DIAPH3: variants seen among roughly 807,000 people sequenced by gnomAD.
DIAPH3 encodes the protein protein diaphanous homolog 3.
A neutral mutation model predicts 144.3 loss-of-function variants in DIAPH3; 117 were observed. The ratio of observed to expected loss-of-function variants is 0.81; its 90% CI spans 0.70 to 0.95. DIAPH3 has a LOEUF of 0.95. Among genes scored for constraint, DIAPH3 ranks in the 40% least tolerant of loss-of-function variants. The pLI, the probability that DIAPH3 is intolerant of heterozygous loss-of-function variation, is 0.00. For missense variants in DIAPH3, 1,421 were observed against 1,412.7 expected, an observed-to-expected ratio of 1.01 and a Z score of -0.09; for synonymous variants, 519 against 488.9, an observed-to-expected ratio of 1.06 and a Z score of -0.81.
At chr13:59,674,434 G>A (rs1365523608) in intron 27 of DIAPH3, among the ~76,000 whole-genome samples, 2 of 152,132 alleles carry the variant, frequency 1.3e-5, no homozygotes, top group African/African-American at 4.8e-5. Flanking sequence ...GCCCTTGACT[G>A]TGCTTACTCT....
chr13:59,689,770 G>GA (rs1016443335), intron 27 of DIAPH3, among the ~76,000 whole-genome samples: 1 of 143,888 alleles, frequency 6.9e-6, no homozygotes, highest in Non-Finnish European at 1.5e-5. Context: ...GGCAGATTAA[G>GA]AAAAAAAACT....
intron 4 of DIAPH3, among the ~76,000 whole-genome samples, chr13:60,071,475 T>C (rs139672523): frequency 4.8e-4 from 73 of 152,348 alleles, no homozygotes; most frequent in African/African-American, 1.7e-3. Context: ...AAAGGTTTCC[T>C]GCACTAAACA....
chr13:59,857,495 G>A (rs2043324066), intron 22 of DIAPH3, among the ~76,000 whole-genome samples: 1 of 152,064 alleles, frequency 6.6e-6, no homozygotes. Flanking sequence ...ATCAGTGAAT[G>A]CTCTTAATGG....
intron 27 of DIAPH3, among the ~76,000 whole-genome samples, chr13:59,729,787 T>G (rs1172438744): frequency 6.6e-6 from 1 of 150,672 alleles, no homozygotes; most frequent in Non-Finnish European, 1.5e-5. Context: ...ACTATTTTTG[T>G]GACTTCCGGT....
chr13:60,117,013 C>T (rs1266446181), intron 2 of DIAPH3, among the ~76,000 whole-genome samples: 3 of 151,810 alleles, frequency 2.0e-5, no homozygotes, highest in Admixed American at 2.0e-4. Flanking sequence ...TTGTACCTAA[C>T]GATTTCATAG....
rs190991194 is a variant in DIAPH3 at position 59,914,782 on chromosome 13, G to A, written c.2265+1373C>T. Among the ~76,000 whole-genome samples, 11 of 152,222 alleles carry A rather than the reference G, an allele frequency of 7.2e-5. No homozygotes were observed. In the East Asian group the frequency reaches 1.5e-3, roughly 21 times the overall value. The stretch of plus-strand genomic sequence containing the variant: ...AAACAGATTCTTCCCTAGAGCCTAC[G>A]AAAAGAAACACAGGTCATTCTGCCA... On this transcript the variant is annotated intron_variant, in intron 19 of 27. Coordinates refer to ENST00000400324, the MANE Select transcript of DIAPH3 (RefSeq NM_001042517.2).
rs1417674963 is a variant in DIAPH3 at position 59,970,936 on chromosome 13, A to T, written c.1875T>A (p.Pro625=). 1 of 1,613,700 alleles carries T rather than the reference A, an allele frequency of 6.2e-7. No homozygotes were observed. Among genetic ancestry groups the T allele is most frequent in the South Asian group, 1.1e-5 (1 of 91,060 alleles). ...PLGFLGGQNS[P]PLPILPFGLK... The stretch of plus-strand genomic sequence containing the variant: ...ACCCAAATGGCAGGATTGGTAGAGG[A>T]GGAGAATTTTGTCCTCCAAGGAATC... The change falls in exon 16 of 28, where the codon CCT becomes CCA. Residue 625 remains proline (P), a synonymous_variant. Transcript: ENST00000400324.
intron 24 of DIAPH3, among the ~76,000 whole-genome samples, chr13:59,814,180 A>C (rs560226482): frequency 1.5e-3 from 229 of 152,296 alleles, no homozygotes; most frequent in Non-Finnish European, 2.1e-3. Flanking sequence ...AATACATTTA[A>C]ATGTGAGTAC....
chr13:59,927,184 T>C (rs1342014258), intron 17 of DIAPH3, among the ~76,000 whole-genome samples: 1 of 152,166 alleles, frequency 6.6e-6, no homozygotes, highest in Non-Finnish European at 1.5e-5. Flanking sequence ...ATTTTTTCAA[T>C]CCCTTTGCTT....
chr13:60,095,337 C>T (rs2058074763), intron 3 of DIAPH3, among the ~76,000 whole-genome samples: 1 of 152,160 alleles, frequency 6.6e-6, no homozygotes, highest in South Asian at 2.1e-4. Flanking sequence ...GCAGGGCTAA[C>T]TCATAGGCAG....
chr13:59,855,720 T>C (rs887150655), intron 22 of DIAPH3, among the ~76,000 whole-genome samples: 3 of 151,812 alleles, frequency 2.0e-5, no homozygotes, highest in Non-Finnish European at 2.9e-5. Flanking sequence ...ACTTTCATTA[T>C]TCCCACAGGA....
Position 59,971,106 on chromosome 13 carries a change from C to T in DIAPH3, c.1705G>A (p.Gly569Arg). 3 of 1,609,348 alleles carry T rather than the reference C, an allele frequency of 1.9e-6. No homozygotes were observed. Among genetic ancestry groups the T allele is most frequent in the South Asian group, 1.1e-5 (1 of 90,550 alleles). ...NIPLPPSKEGGTGHSALPPPP... is the reference protein window; with the variant it reads ...NIPLPPSKEGRTGHSALPPPP... Reference sequence around the variant, plus strand: ...GGAGGAAGTGCTGAGTGGCCAGTTCCACCTTCTTTAGAGGGAGGCAAAGGA... The same window carrying T: ...GGAGGAAGTGCTGAGTGGCCAGTTCTACCTTCTTTAGAGGGAGGCAAAGGA... Residue 569 changes from glycine to arginine, a missense_variant, in exon 16 of 28, where the codon GGA becomes AGA. Coordinates refer to ENST00000400324, the MANE Select transcript of DIAPH3 (RefSeq NM_001042517.2).
intron 21 of DIAPH3, among the ~76,000 whole-genome samples, chr13:59,878,343 A>C (rs2044764678): frequency 6.6e-6 from 1 of 152,176 alleles, no homozygotes; most frequent in African/African-American, 2.4e-5. Flanking sequence ...AGGCCAGGGA[A>C]ATTGTATAAG....
chr13:59,783,112 C>T (rs1364574020), intron 25 of DIAPH3, among the ~76,000 whole-genome samples: 2 of 151,948 alleles, frequency 1.3e-5, no homozygotes, highest in African/African-American at 4.8e-5. Flanking sequence ...AGGCAAAAAA[C>T]AAACAAACAA....
chr13:59,815,786 A>T (rs1415855333), intron 24 of DIAPH3, among the ~76,000 whole-genome samples: 2 of 151,992 alleles, frequency 1.3e-5, no homozygotes, highest in African/African-American at 2.4e-5. Flanking sequence ...TATGCTACTG[A>T]TAATTTTTCT....
intron 27 of DIAPH3, among the ~76,000 whole-genome samples, chr13:59,669,540 C>T (rs1387414180): frequency 2.0e-5 from 3 of 152,172 alleles, no homozygotes; most frequent in Non-Finnish European, 4.4e-5. Context: ...TCCGAGCTCC[C>T]CTCTGAGGAC....
intron 2 of DIAPH3, among the ~76,000 whole-genome samples, chr13:60,130,887 C>T (rs116710208): frequency 6.1e-4 from 93 of 152,136 alleles, no homozygotes; most frequent in African/African-American, 2.2e-3. Context: ...AGAGAAAGAA[C>T]TAAGAAAGTC....
chr13:59,757,391 C>CAT (rs1566267394), intron 27 of DIAPH3, among the ~76,000 whole-genome samples: 32 of 136,688 alleles, frequency 2.3e-4, no homozygotes, highest in Non-Finnish European at 9.3e-5. Context: ...TATGGGTCAT[C>CAT]CTTTTTTTTT....
chr13:59,791,572 T>C (rs2039326223), intron 25 of DIAPH3, among the ~76,000 whole-genome samples: 1 of 152,190 alleles, frequency 6.6e-6, no homozygotes, highest in Non-Finnish European at 1.5e-5. Context: ...TAAAGCTCAT[T>C]CTTTCCACTA....
Sources: allele counts gnomAD v4.1 joint callset (sites outside exome capture counted in the v4.1 genomes callset), GRCh38; gene constraint gnomAD v4.1.1; transcripts MANE v1.5; gene names NCBI Gene and HGNC (gene_info 2026-07-23, HGNC 2026-07-21).